ATP1A3: variants seen among roughly 807,000 people sequenced by gnomAD.
ATP1A3 encodes the protein sodium/potassium-transporting ATPase subunit alpha-3.
A neutral mutation model predicts 108.8 loss-of-function variants in ATP1A3; 12 were observed. That is an observed-to-expected ratio of 0.11 (90% CI 0.07 to 0.18). ATP1A3 has a LOEUF of 0.18. ATP1A3 is among the 10% of genes least tolerant of loss of function. The pLI is 1.00. For missense variants in ATP1A3, 498 were observed against 1,387.7 expected (o/e 0.36, Z 10.19); for synonymous variants, 539 against 564.5 (o/e 0.95, Z 0.64).
At chr19:41,992,828 GT>G (rs2075352860) in intron 1 of ATP1A3, 1 of 152,622 alleles carries the variant, frequency 6.6e-6, no homozygotes, top group Non-Finnish European at 1.5e-5. Context: ...TCCCCACTCC[GT>G]TTCCTAAGAC....
In ATP1A3 at chr19:41,985,939, G is replaced by T. The variant is rs141696210; in HGVS notation, c.531C>A (p.Val177=). 1.9e-6 allele frequency: 3 copies of T among 1,614,098 alleles called. No individual in the cohort carries two copies. The highest frequency in any genetic ancestry group is 8.5e-7 in the Non-Finnish European group (1 of 1,179,998). ...KMQVNAEEVV[V]GDLVEIKGGD... ...CACCCTTGATCTCCACCAGGTCCCCGACCACCACCTCCTCAGCGTTCACCT... is the reference window on the plus strand; with the variant it reads ...CACCCTTGATCTCCACCAGGTCCCCTACCACCACCTCCTCAGCGTTCACCT... The change falls in exon 6 of 23, where the codon GTC becomes GTA. Residue 177 remains valine (V), a synonymous_variant. Transcript: ENST00000648268. The surrounding 1 kb of genome is among the most constrained non-coding windows in gnomAD (Gnocchi z 8.2).
At chr19:41,983,746 C>G (rs2075258436) in intron 8 of ATP1A3, among the ~76,000 whole-genome samples, 1 of 147,870 alleles carries the variant, frequency 6.8e-6, no homozygotes, top group Non-Finnish European at 1.5e-5. Context: ...TGTACCACCA[C>G]GCCTGGCTAA....
In ATP1A3 at chr19:41,984,984, C is replaced by T. The variant is rs1555864807; in HGVS notation, c.927G>A (p.Glu309=). 6.2e-7 allele frequency: 1 copy of T among 1,614,114 alleles called. No homozygotes were observed. Among genetic ancestry groups the T allele is most frequent in the Admixed American group, 1.7e-5 (1 of 59,996 alleles). ...LSLILGYTWL[E]AVIFLIGIIV... is the part of the protein sequence containing the mutation. ...TGATGCCGATGAGGAAGATGACAGC[C>T]TCAAGCCAGGTGTATCCGAGAATGA... Residue 309 remains glutamate, a synonymous_variant, in exon 8 of 23, where the codon GAG becomes GAA. Coordinates refer to ENST00000648268, the MANE Select transcript of ATP1A3 (RefSeq NM_152296.5).
rs1418381122 is a variant in ATP1A3, at chr19:41,988,929, G to T, written c.7-367C>A. On this transcript the variant is annotated intron_variant, in intron 1 of 22. Coordinates refer to ENST00000648268, the MANE Select transcript of ATP1A3 (RefSeq NM_152296.5). The surrounding 1 kb of genome is among the most constrained non-coding windows in gnomAD (Gnocchi z 5.3). ...TCTTTGCGGGGCTCTCCCCTTTTGT[G>T]TTCTGTGTCTATGTGACTTTGTTTT... Among the ~76,000 whole-genome samples, 1 of 152,086 alleles carries T rather than the reference G, an allele frequency of 6.6e-6. No homozygotes were observed. Among genetic ancestry groups the T allele is most frequent in the Non-Finnish European group, 1.5e-5 (1 of 68,010 alleles).
At chr19:41,980,902 C>T (rs1555863090) in intron 11 of ATP1A3, among the ~76,000 whole-genome samples, 1 of 150,956 alleles carries the variant, frequency 6.6e-6, no homozygotes, top group African/African-American at 2.4e-5. Context: ...CAGAGCGAAA[C>T]TCTGTCTCAA....
chr19:41,970,843 T>A (rs575153677), intron 16 of ATP1A3, among the ~76,000 whole-genome samples: 172 of 151,786 alleles, frequency 1.1e-3, no homozygotes, highest in Middle Eastern at 3.4e-3. Context: ...TGTGTTAGCC[T>A]GCATGGTCTC....
At chr19:41,993,640 G>A (rs1599731183) in intron 1 of ATP1A3, 26 of 682,906 alleles carry the variant, frequency 3.8e-5, no homozygotes, top group South Asian at 2.5e-4. Context: ...CCCTGCCAGG[G>A]AAGCAGGGGG....
At position 41,978,965 on chromosome 19, in the gene ATP1A3, T is replaced by C. The variant is rs1157628359; in HGVS notation, c.1438-167A>G. Among the ~76,000 whole-genome samples the C allele has an allele frequency of 6.6e-6, 1 of 152,192 alleles. No homozygotes were observed. Among genetic ancestry groups the C allele is most frequent in the Non-Finnish European group, 1.5e-5 (1 of 68,024 alleles). ...TGCTCATTCCTGTCCGCTCTGTCTA[T>C]GTCATGGATATATATTTCTTTTTCT... is the stretch of plus-strand genomic sequence containing the variant. On this transcript the variant is annotated intron_variant, in intron 11 of 22. Coordinates refer to ENST00000648268, the MANE Select transcript of ATP1A3 (RefSeq NM_152296.5). This position sits in a 1 kb window ranked among gnomAD's most constrained non-coding sequence, Gnocchi z 8.3.
Position 41,985,616 on chromosome 19 carries a change from C to G in ATP1A3, c.607-193G>C, listed in dbSNP as rs1234289843. ...GTGGGGAAGGCACAGTGCTGCTGGCCAAGGTCTAGGGTCCCTAAGGATCTC... is the reference window on the plus strand; with the variant it reads ...GTGGGGAAGGCACAGTGCTGCTGGCGAAGGTCTAGGGTCCCTAAGGATCTC... On this transcript the variant is annotated intron_variant, in intron 6 of 22. Coordinates refer to ENST00000648268, the MANE Select transcript of ATP1A3 (RefSeq NM_152296.5). The surrounding 1 kb of genome is among the most constrained non-coding windows in gnomAD (Gnocchi z 8.2). Among the ~76,000 whole-genome samples, 1 of 152,100 alleles carries G rather than the reference C, an allele frequency of 6.6e-6. No homozygotes were observed. Among genetic ancestry groups the G allele is most frequent in the African/African-American group, 2.4e-5 (1 of 41,388 alleles).
rs2075066420 is a variant in ATP1A3 at position 41,968,282 on chromosome 19, G to A, written c.2819+503C>T. Reference sequence around the variant, plus strand: ...TAATCCTAGCACTCTGGGAGGCTGAGGCAGGAAGATTGCCTGAGCTCAGGA... The same window carrying A: ...TAATCCTAGCACTCTGGGAGGCTGAAGCAGGAAGATTGCCTGAGCTCAGGA... On this transcript the variant is annotated intron_variant, in intron 20 of 22. Coordinates refer to ENST00000648268, the MANE Select transcript of ATP1A3 (RefSeq NM_152296.5). The surrounding 1 kb of genome is among the most constrained non-coding windows in gnomAD (Gnocchi z 5.0). Among the ~76,000 whole-genome samples, 1 of 152,206 alleles carries A rather than the reference G, an allele frequency of 6.6e-6. No individual in the cohort carries two copies. The highest frequency in any genetic ancestry group is 2.1e-4 in the South Asian group (1 of 4,832).
At chr19:41,993,517 AC>A in intron 1 of ATP1A3, 1 of 1,164,416 alleles carries the variant, frequency 8.6e-7, no homozygotes, top group Non-Finnish European at 1.2e-6. Flanking sequence ...ACACACACAC[AC>A]ACACACACAC....
intron 1 of ATP1A3, among the ~76,000 whole-genome samples, chr19:41,991,761 G>A (rs367545059): frequency 1.3e-5 from 2 of 152,172 alleles, no homozygotes; most frequent in Admixed American, 6.5e-5. Flanking sequence ...GAGGGAGGAG[G>A]GGCAGGGGTC....
At chr19:41,993,324 C>A in intron 1 of ATP1A3, 1 of 1,458,932 alleles carries the variant, frequency 6.9e-7, no homozygotes, top group Non-Finnish European at 9.3e-7. Context: ...AAGGACACAG[C>A]CAGGCATGCA....
chr19:41,975,062 T>C (rs2075151488), intron 16 of ATP1A3, among the ~76,000 whole-genome samples: 1 of 152,084 alleles, frequency 6.6e-6, no homozygotes, highest in Non-Finnish European at 1.5e-5. Flanking sequence ...GAATTTTTTT[T>C]TTTTTTTGAG....
At chr19:41,986,852 C>G (rs1033347083) in intron 4 of ATP1A3, among the ~76,000 whole-genome samples, 2 of 151,840 alleles carry the variant, frequency 1.3e-5, no homozygotes, top group African/African-American at 4.8e-5. Context: ...AAGCAATCCT[C>G]CCTCCTCAGC....
chr19:41,967,455 T>G lies in ATP1A3; in HGVS notation c.2922-115A>C. ...TCCCAGGATCCTTCGTGCTCACAGG[T>G]GGAGGGTGCCCTGGGCGGGGCTGGG... On this transcript the variant is annotated intron_variant, in intron 21 of 22. Coordinates refer to ENST00000648268, the MANE Select transcript of ATP1A3 (RefSeq NM_152296.5). The surrounding 1 kb of genome is among the most constrained non-coding windows in gnomAD (Gnocchi z 4.2). 1 of 1,318,256 alleles carries G rather than the reference T, an allele frequency of 7.6e-7. No individual in the cohort carries two copies. Among genetic ancestry groups the G allele is most frequent in the Non-Finnish European group, 1.0e-6 (1 of 956,330 alleles). 81.7% of individuals were successfully genotyped at this position (1,318,256 alleles called of 1,614,324 possible).
chr19:41,979,573 C>T (rs2075208821), intron 11 of ATP1A3, among the ~76,000 whole-genome samples: 1 of 152,186 alleles, frequency 6.6e-6, no homozygotes, highest in Admixed American at 6.5e-5. Context: ...TCCCAAAGTG[C>T]TGGGATTACA....
rs2075056813 is a variant in ATP1A3, at chr19:41,967,535, G to T, written c.2921+127C>A. The T allele has an allele frequency of 1.7e-6, 2 of 1,203,728 alleles. No individual in the cohort carries two copies. Among genetic ancestry groups the T allele is most frequent in the South Asian group, 2.8e-5 (2 of 72,556 alleles). 74.6% of individuals were successfully genotyped at this position (1,203,728 alleles called of 1,614,324 possible). On this transcript the variant is annotated intron_variant, in intron 21 of 22. Transcript: ENST00000648268. This position sits in a 1 kb window ranked among gnomAD's most constrained non-coding sequence, Gnocchi z 4.2. ...GGAGCAGCCTATGGGGGAGGCTCGG[G>T]GGCATCAGAATGGGGACTGCAGTGG...
chr19:41,981,213 C>T lies in ATP1A3; in HGVS notation c.1437+289G>A, dbSNP rs1555863192. ...GGGGTTTTGCCATCTTGCCCAGGCT[C>T]GTCTCGAACTCCTGGCCTCAAGTGA... On this transcript the variant is annotated intron_variant, in intron 11 of 22. Coordinates refer to ENST00000648268, the MANE Select transcript of ATP1A3 (RefSeq NM_152296.5). This position sits in a 1 kb window ranked among gnomAD's most constrained non-coding sequence, Gnocchi z 5.0. Among the ~76,000 whole-genome samples, 2 of 151,736 alleles carry T rather than the reference C, an allele frequency of 1.3e-5. No homozygotes were observed. Among genetic ancestry groups the T allele is most frequent in the East Asian group, 2.0e-4 (1 of 5,112 alleles).
Sources: gnomAD v4.1 joint callset for allele counts (sites outside exome capture counted in the v4.1 genomes callset) on GRCh38, gnomAD v4.1.1 for gene constraint, Gnocchi (gnomAD v3.1) non-coding constraint, MANE v1.5 for transcripts, NCBI Gene and HGNC (gene_info 2026-07-23, HGNC 2026-07-21) for gene names.